KCNU1: variants seen among roughly 807,000 people sequenced by gnomAD.
The protein encoded by KCNU1 is potassium channel subfamily U member 1.
A neutral mutation model predicts 126.8 loss-of-function variants in KCNU1; 93 were observed. The ratio of observed to expected loss-of-function variants is 0.73; its 90% CI spans 0.62 to 0.87. The LOEUF is 0.87. KCNU1 is among the 40% of genes least tolerant of loss of function. The pLI is 0.00. For synonymous variants in KCNU1, 523 were observed against 494.2 expected, an observed-to-expected ratio of 1.06 and a Z score of -0.77; for missense variants, 1,330 against 1,367.1, an observed-to-expected ratio of 0.97 and a Z score of 0.43.
chr8:36,891,582 T>C (rs1806964767), intron 19 of KCNU1, among the ~76,000 whole-genome samples: 1 of 152,122 alleles, frequency 6.6e-6, no homozygotes, highest in Non-Finnish European at 1.5e-5. Flanking sequence ...AAGTTAATGT[T>C]TGTCATCCTT....
chr8:36,845,577 C>T lies in KCNU1; in HGVS notation c.1704-3C>T. ...TTACCATGTGTTTATTTTTTGTTTC[C>T]AGTGGTCTGATACTAAATCCACCTC... On this transcript the variant is annotated splice_polypyrimidine_tract_variant and splice_region_variant and intron_variant, in intron 16 of 26. Transcript: ENST00000399881. 1 of 1,576,034 alleles carries T rather than the reference C, an allele frequency of 6.3e-7. No homozygotes were observed. The highest frequency in any genetic ancestry group is 8.7e-7 in the Non-Finnish European group (1 of 1,149,228).
At chr8:36,889,359 G>T in intron 19 of KCNU1, 2 of 434,840 alleles carry the variant, frequency 4.6e-6, no homozygotes, top group Non-Finnish European at 9.4e-6. Context: ...ATAACTGGCT[G>T]CCACTTGTCA....
At chr8:36,870,432 C>T (rs1041622908) in intron 19 of KCNU1, among the ~76,000 whole-genome samples, 1 of 152,160 alleles carries the variant, frequency 6.6e-6, no homozygotes, top group African/African-American at 2.4e-5. Context: ...CCCTTCCTCC[C>T]TTTTTACTCT....
chr8:36,784,585 A>T lies in KCNU1; in HGVS notation c.175A>T (p.Lys59Ter). The T allele has an allele frequency of 6.2e-7, 1 of 1,613,028 alleles. No individual in the cohort carries two copies. The highest frequency in any genetic ancestry group is 8.5e-7 in the Non-Finnish European group (1 of 1,179,372). Residue 59 changes from lysine to a stop codon, truncating the protein, a stop_gained, in exon 1 of 27, where the codon AAG becomes TAG. Coordinates refer to ENST00000399881, the MANE Select transcript of KCNU1 (RefSeq NM_001031836.3). LOFTEE classifies it high-confidence loss of function. Reference sequence around the variant, plus strand: ...ATCTGTTAAAAAATGGCAAATCATCAAGGGAACAGGAATTATCTTGGTCAG... The same window carrying T: ...ATCTGTTAAAAAATGGCAAATCATCTAGGGAACAGGAATTATCTTGGTCAG... ...WRSVKKWQII[K>*]GTGIILELFT...
At chr8:36,923,750 C>T (rs1808445073) in intron 24 of KCNU1, among the ~76,000 whole-genome samples, 1 of 152,174 alleles carries the variant, frequency 6.6e-6, no homozygotes, top group South Asian at 2.1e-4. Flanking sequence ...CTGGAACTCA[C>T]AGTCTTAAAC....
At chr8:36,854,260 T>C (rs1188649370) in intron 18 of KCNU1, among the ~76,000 whole-genome samples, 1 of 152,160 alleles carries the variant, frequency 6.6e-6, no homozygotes, top group African/African-American at 2.4e-5. Flanking sequence ...ATTAATGTTT[T>C]TCAACCACTT....
At chr8:36,888,680 A>G (rs773145716) in intron 19 of KCNU1, 3 of 534,418 alleles carry the variant, frequency 5.6e-6, no homozygotes, top group South Asian at 1.4e-5. Flanking sequence ...CACGATAATC[A>G]CTAGTGTTGA....
intron 19 of KCNU1, among the ~76,000 whole-genome samples, chr8:36,880,352 A>C (rs1563312121): frequency 6.6e-6 from 1 of 152,282 alleles, no homozygotes; most frequent in East Asian, 1.9e-4. Context: ...GCATGAAATA[A>C]ATCATCCAGT....
At chr8:36,885,755 T>C (rs1448994427) in intron 19 of KCNU1, among the ~76,000 whole-genome samples, 1 of 151,724 alleles carries the variant, frequency 6.6e-6, no homozygotes, top group African/African-American at 2.4e-5. Flanking sequence ...ATTGTGCCAT[T>C]GCACCCCAGC....
At chr8:36,874,839 G>C (rs2117376251) in intron 19 of KCNU1, among the ~76,000 whole-genome samples, 1 of 152,152 alleles carries the variant, frequency 6.6e-6, no homozygotes, top group Middle Eastern at 3.4e-3. Context: ...AGAAGGTTAA[G>C]AAAAGGCACC....
At chr8:36,785,539 A>G (rs1802682380) in intron 1 of KCNU1, among the ~76,000 whole-genome samples, 1 of 152,208 alleles carries the variant, frequency 6.6e-6, no homozygotes, top group Non-Finnish European at 1.5e-5. Flanking sequence ...TTTGTTTTCC[A>G]TATTTGAAAA....
chr8:36,792,656 A>G (rs376482944), intron 2 of KCNU1, among the ~76,000 whole-genome samples: 106 of 152,330 alleles, frequency 7.0e-4, no homozygotes, highest in African/African-American at 2.5e-3. Context: ...AAACTGACAC[A>G]TATCTCATAG....
intron 26 of KCNU1, among the ~76,000 whole-genome samples, chr8:36,934,236 C>T (rs1808788020): frequency 6.6e-6 from 1 of 152,072 alleles, no homozygotes; most frequent in Non-Finnish European, 1.5e-5. Context: ...CATAGCAATA[C>T]GTCTGAATGC....
chr8:36,922,215 A>G (rs1221908929), intron 23 of KCNU1, among the ~76,000 whole-genome samples: 1 of 152,182 alleles, frequency 6.6e-6, no homozygotes, highest in Non-Finnish European at 1.5e-5. Flanking sequence ...TACAAGGATG[A>G]CAATCAGAAC....
In KCNU1 at chr8:36,851,387, A is replaced by ATCTCTC. The variant is rs35502970; in HGVS notation, c.1891+5508_1891+5513dup. Reference sequence around the variant, plus strand: ...TGGCACTTCCCTTCTCTCTCTCTCTATCTCTCTCTCTCTCTCTCTCTCTCT... The same window carrying ATCTCTC: ...TGGCACTTCCCTTCTCTCTCTCTCTATCTCTCTCTCTCTCTCTCTCTCTCTCTCTCT... On this transcript the variant is annotated intron_variant, in intron 18 of 26. Transcript: ENST00000399881. 2.5e-3 allele frequency among the ~76,000 whole-genome samples: 297 copies of ATCTCTC among 120,062 alleles called. 1 individual carries two copies. The highest frequency in any genetic ancestry group is 8.1e-3 in the African/African-American group (283 of 34,992). The allele number at this position is 120,062 out of a possible 152,430, so 78.8% of individuals were successfully genotyped here. A position where few individuals can be genotyped will look rare whatever the true frequency, so the allele number is the denominator to read the frequency against.
At chr8:36,876,286 C>A (rs769858232) in intron 19 of KCNU1, among the ~76,000 whole-genome samples, 8 of 152,126 alleles carry the variant, frequency 5.3e-5, no homozygotes, top group Non-Finnish European at 7.4e-5. Context: ...TGTTTCTTTA[C>A]AGCTAATTGG....
At chr8:36,831,753 C>A (rs1462981100) in intron 10 of KCNU1, among the ~76,000 whole-genome samples, 5 of 149,108 alleles carry the variant, frequency 3.4e-5, no homozygotes, top group African/African-American at 1.2e-4. Flanking sequence ...TGCAGAAGCT[C>A]TTTAGTTTAA....
intron 22 of KCNU1, among the ~76,000 whole-genome samples, chr8:36,917,517 A>T (rs1585562501): frequency 6.8e-6 from 1 of 146,966 alleles, no homozygotes; most frequent in East Asian, 2.0e-4. Context: ...CACCCAGCTA[A>T]TTTTTTTTTT....
chr8:36,816,619 A>G, intron 9 of KCNU1, among the ~76,000 whole-genome samples: 1 of 151,190 alleles, frequency 6.6e-6, no homozygotes, highest in Non-Finnish European at 1.5e-5. Flanking sequence ...TGGGGCACAT[A>G]CTAAATCAGT....
Sources: allele counts gnomAD v4.1 joint callset (sites outside exome capture counted in the v4.1 genomes callset), GRCh38; gene constraint gnomAD v4.1.1; transcripts MANE v1.5; gene names NCBI Gene and HGNC (gene_info 2026-07-23, HGNC 2026-07-21).